Variants in ZFHX3 observed in about 807,000 individuals in gnomAD.
ZFHX3 encodes the protein zinc finger homeobox protein 3.
A neutral mutation model predicts 279.1 loss-of-function variants in ZFHX3; 42 were observed. That is an observed-to-expected ratio of 0.15 (90% CI 0.12 to 0.19). The LOEUF (loss-of-function observed/expected upper bound fraction) is 0.19, where lower values mean the gene tolerates loss of function less well. ZFHX3 is among the 10% of genes least tolerant of loss of function. The pLI, the probability that ZFHX3 is intolerant of heterozygous loss-of-function variation, is 1.00. For synonymous variants in ZFHX3, 2,293 were observed against 1,957.8 expected (o/e 1.17, Z -4.52); for missense variants, 4,981 against 4,754.0 (o/e 1.05, Z -1.40).
intron 4 of ZFHX3, among the ~76,000 whole-genome samples, chr16:73,290,746 C>T (rs1041771937): frequency 1.3e-5 from 2 of 149,856 alleles, no homozygotes; most frequent in African/African-American, 4.9e-5. Flanking sequence ...GAGGAAAGAG[C>T]CACTAAGGTG....
In ZFHX3 at chr16:73,047,705, C is replaced by T. The variant is rs60602157; in HGVS notation, c.-50+47G>A. 36,282 of 152,660 alleles carry T rather than the reference C, an allele frequency of 0.24. 4,611 individuals carry two copies. Among genetic ancestry groups the T allele is most frequent in the East Asian group, 0.43 (2,233 of 5,152 alleles). The allele number at this position is 152,660 out of a possible 1,614,324, so 9.5% of individuals were successfully genotyped here. A position where few individuals can be genotyped will look rare whatever the true frequency, so the allele number is the denominator to read the frequency against. ...TCAGCCAAGACTCGCAGCACCTGCC[C>T]GCGGCTCCAGGCCGGCTGCGCGGAC... On this transcript the variant is annotated intron_variant, in intron 1 of 9. Transcript: ENST00000268489.
chr16:73,510,437 C>A (rs1314915745), intron 2 of ZFHX3, among the ~76,000 whole-genome samples: 1 of 152,142 alleles, frequency 6.6e-6, no homozygotes, highest in Non-Finnish European at 1.5e-5. Flanking sequence ...TTGTCTATGA[C>A]ATTTCATATG....
At chr16:73,279,262 G>T (rs937171236) in intron 4 of ZFHX3, among the ~76,000 whole-genome samples, 2 of 152,010 alleles carry the variant, frequency 1.3e-5, no homozygotes, top group African/African-American at 4.8e-5. Flanking sequence ...ATAGCAATCA[G>T]ATTTTTGTTA....
intron 1 of ZFHX3, among the ~76,000 whole-genome samples, chr16:73,880,440 T>C (rs557298207): frequency 1.3e-5 from 2 of 152,302 alleles, no homozygotes; most frequent in South Asian, 4.1e-4. Context: ...ATTTCAGGAT[T>C]TGACGTAATT....
At chr16:73,158,036 A>G (rs930610610) in intron 5 of ZFHX3, among the ~76,000 whole-genome samples, 1 of 152,118 alleles carries the variant, frequency 6.6e-6, no homozygotes, top group Non-Finnish European at 1.5e-5. Context: ...CAGGAAAGGG[A>G]GGGTCACATT....
In ZFHX3 at chr16:73,576,038, T is replaced by C. The variant is rs190998757; in HGVS notation, c.-1547+104142A>G. On this transcript the variant is annotated intron_variant, in intron 2 of 17. Coordinates refer to the ZFHX3 transcript ENST00000641206. ...TGTCTTTCTCTTCTGCCTCTTGATA[T>C]TTTTCTTGACCATTTCCCTCAGTGT... 2.6e-3 allele frequency among the ~76,000 whole-genome samples: 397 copies of C among 152,256 alleles called. 4 individuals carry two copies. The highest frequency in any genetic ancestry group is 2.1e-3 in the Non-Finnish European group (141 of 68,028).
intron 4 of ZFHX3, among the ~76,000 whole-genome samples, chr16:73,299,143 T>C (rs7202852): frequency 0.19 from 28,514 of 152,234 alleles, 2,785 homozygotes; most frequent in Middle Eastern, 0.27. Flanking sequence ...ATACAGCATC[T>C]GAGCCCTACT....
chr16:73,563,652 T>C (rs825698), intron 2 of ZFHX3, among the ~76,000 whole-genome samples: 106,729 of 152,026 alleles, frequency 0.7, 38,416 homozygotes, highest in African/African-American at 0.85. Context: ...ACAACATCAC[T>C]TCCTATCCTC....
At chr16:73,532,597 A>G (rs2019825261) in intron 2 of ZFHX3, among the ~76,000 whole-genome samples, 1 of 152,194 alleles carries the variant, frequency 6.6e-6, no homozygotes, top group South Asian at 2.1e-4. Flanking sequence ...AGCTGCCTGA[A>G]TCTGAATCCT....
intron 2 of ZFHX3, among the ~76,000 whole-genome samples, chr16:73,491,395 G>A (rs1048664881): frequency 2.0e-5 from 3 of 152,214 alleles, no homozygotes; most frequent in Non-Finnish European, 4.4e-5. Flanking sequence ...AAATATCACA[G>A]AGCATGCAGA....
chr16:72,787,448 G>C lies in ZFHX3; in HGVS notation c.10828C>G (p.Pro3610Ala). The change falls in exon 10 of 10, where the codon CCC (proline) becomes GCC (alanine). Residue 3610 changes from proline (P) to alanine (A), a missense_variant. Physicochemically the swap from Pro to Ala is conservative, Grantham distance 27. Around this residue, in one of 7 missense-constraint regions of ZFHX3, gnomAD observed 1,034 missense variants for 786.0 expected, o/e 1.32. Coordinates refer to ENST00000268489, the MANE Select transcript of ZFHX3 (RefSeq NM_006885.4). ...PSAAAPSSAS[P>A]HASRKSWPQV... ...GGCCAAGACTTCCTGGAGGCGTGGGGGGAAGCGGAGGAGGGGGCGGCGGCC... is the reference window on the plus strand; with the variant it reads ...GGCCAAGACTTCCTGGAGGCGTGGGCGGAAGCGGAGGAGGGGGCGGCGGCC... The C allele has an allele frequency of 6.2e-7, 1 of 1,605,126 alleles. No homozygotes were observed. Among genetic ancestry groups the C allele is most frequent in the Non-Finnish European group, 8.5e-7 (1 of 1,174,452 alleles).
intron 2 of ZFHX3, among the ~76,000 whole-genome samples, chr16:73,462,098 C>A (rs1027182770): frequency 6.6e-6 from 1 of 152,048 alleles, no homozygotes; most frequent in Non-Finnish European, 1.5e-5. Flanking sequence ...TAGATTTACA[C>A]CTGCGTATTT....
At chr16:73,622,490 AG>A (rs1285562591) in intron 2 of ZFHX3, among the ~76,000 whole-genome samples, 1 of 152,116 alleles carries the variant, frequency 6.6e-6, no homozygotes, top group African/African-American at 2.4e-5. Context: ...TGAACCGGGG[AG>A]GTGGAGCTTG....
chr16:73,549,337 TA>T (rs1161997467), intron 2 of ZFHX3, among the ~76,000 whole-genome samples: 1 of 152,114 alleles, frequency 6.6e-6, no homozygotes, highest in Non-Finnish European at 1.5e-5. Context: ...ATATTTAAAA[TA>T]TTTTTCATAT....
At position 72,983,423 on chromosome 16, in the gene ZFHX3, T is replaced by C. The variant is rs1386651083; in HGVS notation, c.-49-23229A>G. On this transcript the variant is annotated intron_variant, in intron 1 of 9. Coordinates refer to ENST00000268489, the MANE Select transcript of ZFHX3 (RefSeq NM_006885.4). ...CCCAAAGGGGTCGACAGAGAAGGCC[T>C]AGGCCAGGTGCGATGGCTCATGTCT... Among the ~76,000 whole-genome samples, 3 of 152,172 alleles carry C rather than the reference T, an allele frequency of 2.0e-5. No homozygotes were observed. The East Asian group carries it at 5.8e-4, about 29-fold the overall frequency.
At chr16:72,792,488 G>A (rs62051554) in intron 9 of ZFHX3, among the ~76,000 whole-genome samples, 15,909 of 151,468 alleles carry the variant, frequency 0.11, 1,015 homozygotes, top group East Asian at 0.28. Context: ...AGACAGTCTC[G>A]CTGTGTCACC....
chr16:73,105,440 C>CATATATATATAT (rs1567389918), intron 7 of ZFHX3, among the ~76,000 whole-genome samples: 6 of 109,598 alleles, frequency 5.5e-5, no homozygotes, highest in Non-Finnish European at 8.9e-5. Flanking sequence ...TATACACACA[C>CATATATATATAT]ACACATATAT....
intron 2 of ZFHX3, among the ~76,000 whole-genome samples, chr16:73,659,412 G>A (rs369164162): frequency 1.4e-3 from 207 of 152,064 alleles, no homozygotes; most frequent in Admixed American, 3.1e-3. Context: ...TGTCAGGTTC[G>A]ATTAGAAGCC....
At chr16:73,332,507 C>A (rs1001070762) in intron 3 of ZFHX3, among the ~76,000 whole-genome samples, 5 of 152,350 alleles carry the variant, frequency 3.3e-5, no homozygotes, top group African/African-American at 1.2e-4. Flanking sequence ...TCTGGCTGAA[C>A]TACCACCCAG....
Sources: gnomAD v4.1 joint callset for allele counts (sites outside exome capture counted in the v4.1 genomes callset) on GRCh38, gnomAD v4.1.1 for gene constraint, gnomAD v4.1.1 regional missense constraint, MANE v1.5 for transcripts, NCBI Gene and HGNC (gene_info 2026-07-23, HGNC 2026-07-21) for gene names.